The following SPIDR variants were observed in gnomAD, a reference collection of about 807,000 sequenced individuals.
SPIDR encodes the protein DNA repair-scaffolding protein.
In SPIDR, 93 loss-of-function variants were observed where a neutral mutation model predicts 104.6. The ratio of observed to expected loss-of-function variants is 0.89; its 90% confidence interval spans 0.75 to 1.06. The LOEUF is 1.06. SPIDR is among the 50% of genes least tolerant of loss of function. The pLI is 0.00. For synonymous variants in SPIDR, 431 were observed against 416.9 expected (o/e 1.03, Z -0.41); for missense variants, 1,154 against 1,111.2 (o/e 1.04, Z -0.55).
In SPIDR at chr8:47,395,213, G is replaced by A. The variant is rs566452650; in HGVS notation, c.526-1163G>A. ...AATGTACAAAAATTAGCTGGGCATC[G>A]TGCTGGGCACCTGTAATCCCAGCTA... On this transcript the variant is annotated intron_variant, in intron 5 of 19. Transcript: ENST00000297423. 9.2e-5 allele frequency among the ~76,000 whole-genome samples: 14 copies of A among 152,160 alleles called. No individual in the cohort carries two copies. The East Asian group carries it at 1.2e-3, about 13-fold the overall frequency.
At chr8:47,709,242 G>A (rs1316011572) in intron 14 of SPIDR, among the ~76,000 whole-genome samples, 1 of 152,148 alleles carries the variant, frequency 6.6e-6, no homozygotes. Flanking sequence ...CCAGGTTCAA[G>A]CAATTCTCCT....
intron 6 of SPIDR, among the ~76,000 whole-genome samples, chr8:47,406,424 C>T (rs2062765885): frequency 6.6e-6 from 1 of 152,138 alleles, no homozygotes; most frequent in South Asian, 2.1e-4. Context: ...GAAGCATAAA[C>T]GAGTTACTTC....
intron 8 of SPIDR, among the ~76,000 whole-genome samples, chr8:47,579,421 G>GC (rs1358530629): frequency 5.3e-5 from 8 of 152,126 alleles, no homozygotes; most frequent in Admixed American, 3.9e-4. Context: ...TATTTTTTGT[G>GC]CTGTCCACTA....
intron 10 of SPIDR, among the ~76,000 whole-genome samples, chr8:47,654,575 C>T (rs1293830277): frequency 6.6e-6 from 1 of 151,994 alleles, no homozygotes; most frequent in African/African-American, 2.4e-5. Context: ...TTCTGTGTAC[C>T]CTACGAAATA....
At chr8:47,479,652 G>T (rs2076673756) in intron 8 of SPIDR, among the ~76,000 whole-genome samples, 1 of 152,196 alleles carries the variant, frequency 6.6e-6, no homozygotes, top group African/African-American at 2.4e-5. Context: ...CATGAGCAGG[G>T]GCTGGGGAGT....
intron 5 of SPIDR, among the ~76,000 whole-genome samples, chr8:47,349,934 C>G (rs899437185): frequency 6.6e-6 from 1 of 152,190 alleles, no homozygotes; most frequent in African/African-American, 2.4e-5. Flanking sequence ...CTGGGTGAGG[C>G]GATGCCCCGC....
intron 5 of SPIDR, among the ~76,000 whole-genome samples, chr8:47,329,387 T>C (rs56250633): frequency 2.0e-5 from 3 of 152,140 alleles, no homozygotes; most frequent in African/African-American, 7.2e-5. Context: ...TTGTATTTTT[T>C]TGTAGAGACA....
At chr8:47,680,289 T>C (rs2076937285) in intron 11 of SPIDR, among the ~76,000 whole-genome samples, 1 of 152,168 alleles carries the variant, frequency 6.6e-6, no homozygotes, top group Non-Finnish European at 1.5e-5. Context: ...AGGAGGAAGC[T>C]CAATGTCCAC....
intron 16 of SPIDR, among the ~76,000 whole-genome samples, chr8:47,723,874 T>G (rs1045043489): frequency 5.9e-5 from 9 of 152,208 alleles, no homozygotes; most frequent in African/African-American, 2.2e-4. Flanking sequence ...TGATTTCTTT[T>G]TTTTTTCCTT....
intron 5 of SPIDR, among the ~76,000 whole-genome samples, chr8:47,375,094 G>C (rs2058492347): frequency 6.6e-6 from 1 of 151,976 alleles, no homozygotes; most frequent in African/African-American, 2.4e-5. Flanking sequence ...AATTATAACA[G>C]ACAAGGCCAG....
At chr8:47,577,057 G>A (rs1192020856) in intron 8 of SPIDR, among the ~76,000 whole-genome samples, 1 of 152,224 alleles carries the variant, frequency 6.6e-6, no homozygotes, top group Non-Finnish European at 1.5e-5. Context: ...CAGATGAGAT[G>A]CTTAGGAGCC....
intron 5 of SPIDR, among the ~76,000 whole-genome samples, chr8:47,339,898 C>A (rs1374039356): frequency 3.3e-5 from 5 of 151,942 alleles, no homozygotes; most frequent in Admixed American, 2.0e-4. Flanking sequence ...GCAGGCTGGT[C>A]TGGAACTCAT....
chr8:47,516,607 C>T (rs577036218), intron 8 of SPIDR, among the ~76,000 whole-genome samples: 2 of 152,184 alleles, frequency 1.3e-5, no homozygotes, highest in Non-Finnish European at 2.9e-5. Context: ...GAATTTCCTT[C>T]CTTTTTTAAG....
rs137911194 is a variant in SPIDR at position 47,580,710 on chromosome 8, G to A, written c.1098-15101G>A. 2.7e-4 allele frequency among the ~76,000 whole-genome samples: 41 copies of A among 150,048 alleles called. 1 individual carries two copies. In the East Asian group the frequency reaches 7.3e-3, roughly 27 times the overall value. ...CTTAGATGCCTACATTAAAACACCC[G>A]GGACTCAGTTGTTACAAGGTCTGGT... On this transcript the variant is annotated intron_variant, in intron 8 of 19. Coordinates refer to ENST00000297423, the MANE Select transcript of SPIDR (RefSeq NM_001080394.4).
At chr8:47,729,655 GA>G in intron 19 of SPIDR, 190 bp downstream of exon 19, 1 of 611,044 alleles carries the variant, frequency 1.6e-6, no homozygotes, top group Non-Finnish European at 2.8e-6. Flanking sequence ...TTCCTCTGTG[GA>G]AATGAGGTTA....
At chr8:47,670,462 A>T (rs1435412591) in intron 10 of SPIDR, among the ~76,000 whole-genome samples, 2 of 152,226 alleles carry the variant, frequency 1.3e-5, no homozygotes, top group Non-Finnish European at 2.9e-5. Context: ...CTAGAAATCT[A>T]TACCCAGCCA....
intron 5 of SPIDR, among the ~76,000 whole-genome samples, chr8:47,390,339 G>C (rs907299358): frequency 3.3e-5 from 5 of 152,062 alleles, no homozygotes; most frequent in African/African-American, 4.8e-5. Context: ...TTGTTTTAAT[G>C]TGAAAATTTA....
intron 8 of SPIDR, among the ~76,000 whole-genome samples, chr8:47,558,264 C>T (rs1433661862): frequency 1.3e-5 from 2 of 152,072 alleles, no homozygotes; most frequent in African/African-American, 4.8e-5. Flanking sequence ...GCAATGTGCT[C>T]ATTTAACAAA....
chr8:47,514,325 C>T (rs2082798138), intron 8 of SPIDR, among the ~76,000 whole-genome samples: 1 of 152,164 alleles, frequency 6.6e-6, no homozygotes. Context: ...TCCCTGGTCT[C>T]ATAAAGTTAA....
Sources: gnomAD v4.1 joint callset for allele counts (sites outside exome capture counted in the v4.1 genomes callset) on GRCh38, gnomAD v4.1.1 for gene constraint, MANE v1.5 for transcripts, NCBI Gene and HGNC (gene_info 2026-07-23, HGNC 2026-07-21) for gene names.